PRKCE: variants seen among roughly 807,000 people sequenced by gnomAD.
The protein encoded by PRKCE is protein kinase C epsilon type.
PRKCE carries 16 observed loss-of-function variants against 85.4 expected under a neutral mutation model. The ratio of observed to expected loss-of-function variants is 0.19; its 90% confidence interval spans 0.13 to 0.28. The LOEUF is 0.28. PRKCE is among the 10% of genes least tolerant of loss of function. PRKCE has a pLI of 1.00. For synonymous variants in PRKCE, 388 were observed against 371.5 expected (o/e 1.04, Z -0.51); for missense variants, 573 against 975.2 (o/e 0.59, Z 5.49).
intron 1 of PRKCE, among the ~76,000 whole-genome samples, chr2:45,813,840 A>G (rs890228092): frequency 5.9e-5 from 9 of 152,242 alleles, no homozygotes; most frequent in Non-Finnish European, 1.3e-4. Flanking sequence ...CACAGCCCAC[A>G]GGGCATGTGT....
intron 2 of PRKCE, among the ~76,000 whole-genome samples, chr2:45,927,128 ATG>A (rs1313295821): frequency 6.6e-6 from 1 of 151,260 alleles, no homozygotes; most frequent in African/African-American, 2.4e-5. Context: ...GAATGTGTAT[ATG>A]TGCATGCATG....
chr2:46,007,595 G>A lies in PRKCE; in HGVS notation c.1197G>A (p.Gln399=). 1.9e-6 allele frequency: 3 copies of A among 1,599,800 alleles called. No homozygotes were observed. In the South Asian group the frequency reaches 3.3e-5, roughly 18 times the overall value. ...AGAATGGCGAAGTCCGGCAAGGCCAGGCCAAGCGCCTGGGCCTGGATGAGT... is the reference window on the plus strand; with the variant it reads ...AGAATGGCGAAGTCCGGCAAGGCCAAGCCAAGCGCCTGGGCCTGGATGAGT... The part of the protein sequence containing the change: ...PGENGEVRQG[Q]AKRLGLDEFN... The change falls in exon 9 of 15, where the codon CAG becomes CAA. Residue 399 remains glutamine (Q), a synonymous_variant. Coordinates refer to ENST00000306156, the MANE Select transcript of PRKCE (RefSeq NM_005400.3).
chr2:45,743,478 G>C (rs1682754683), intron 1 of PRKCE, among the ~76,000 whole-genome samples: 1 of 152,014 alleles, frequency 6.6e-6, no homozygotes, highest in South Asian at 2.1e-4. Context: ...CTCACCGAGA[G>C]AGGCCCAGGA....
chr2:46,065,621 G>A (rs1286910319), intron 10 of PRKCE, among the ~76,000 whole-genome samples: 2 of 152,126 alleles, frequency 1.3e-5, no homozygotes. Flanking sequence ...CGACTTTCCT[G>A]TTCTAAAATT....
At chr2:45,814,665 G>A (rs1688899663) in intron 1 of PRKCE, among the ~76,000 whole-genome samples, 2 of 152,320 alleles carry the variant, frequency 1.3e-5, no homozygotes, top group South Asian at 4.1e-4. Flanking sequence ...TGCTATTCGG[G>A]GGTGTGAGCC....
At chr2:45,724,114 T>C (rs1297214596) in intron 1 of PRKCE, among the ~76,000 whole-genome samples, 2 of 152,232 alleles carry the variant, frequency 1.3e-5, no homozygotes, top group Non-Finnish European at 1.5e-5. Context: ...TGTTGTGCTT[T>C]TTACAGATTG....
chr2:46,139,718 A>G lies in PRKCE; in HGVS notation c.1593-5375A>G, dbSNP rs1675323789. Among the ~76,000 whole-genome samples, 1 of 151,610 alleles carries G rather than the reference A, an allele frequency of 6.6e-6. No homozygotes were observed. The highest frequency in any genetic ancestry group is 1.5e-5 in the Non-Finnish European group (1 of 67,944). On this transcript the variant is annotated intron_variant, in intron 11 of 14. Coordinates refer to ENST00000306156, the MANE Select transcript of PRKCE (RefSeq NM_005400.3). The surrounding 1 kb of genome is among the most constrained non-coding windows in gnomAD (Gnocchi z 5.2). The stretch of plus-strand genomic sequence containing the variant: ...TGTGTGTGTATATATATACATATAT[A>G]CATATACATATATATCTAGAGAGAG...
intron 2 of PRKCE, among the ~76,000 whole-genome samples, chr2:45,851,156 G>A (rs1040230308): frequency 8.5e-5 from 13 of 152,120 alleles, no homozygotes; most frequent in African/African-American, 3.1e-4. Context: ...ACCCTGAAAT[G>A]CAGGTACCAA....
At chr2:45,881,454 A>G (rs1694884393) in intron 2 of PRKCE, among the ~76,000 whole-genome samples, 1 of 152,192 alleles carries the variant, frequency 6.6e-6, no homozygotes, top group Non-Finnish European at 1.5e-5. Context: ...CTTAAATGTT[A>G]TTTAAGTACC....
chr2:45,677,243 C>T (rs544428771), intron 1 of PRKCE: 60 of 152,134 alleles, frequency 3.9e-4, no homozygotes, highest in African/African-American at 1.3e-3. Context: ...ACCCTGGAAT[C>T]ACGAGAGGCC....
At chr2:46,099,646 T>G (rs1056558951) in intron 11 of PRKCE, among the ~76,000 whole-genome samples, 4 of 152,192 alleles carry the variant, frequency 2.6e-5, no homozygotes, top group African/African-American at 7.2e-5. Context: ...CTAGCACTTC[T>G]TATACTGCAT....
intron 2 of PRKCE, among the ~76,000 whole-genome samples, chr2:45,888,385 A>C (rs987970626): frequency 2.0e-5 from 3 of 151,992 alleles, no homozygotes; most frequent in African/African-American, 7.2e-5. Flanking sequence ...TACAGCATAC[A>C]AGGGTTCCCC....
At chr2:45,675,496 T>A (rs1379776861) in intron 1 of PRKCE, 1 of 152,246 alleles carries the variant, frequency 6.6e-6, no homozygotes, top group Admixed American at 6.5e-5. Context: ...AAATGAATCA[T>A]AACAGTTGCA....
chr2:45,928,973 CT>C (rs1698838665), intron 2 of PRKCE, among the ~76,000 whole-genome samples: 2 of 152,194 alleles, frequency 1.3e-5, no homozygotes, highest in South Asian at 4.1e-4. Context: ...CGGGAGCAGC[CT>C]TTTCCTATTA....
chr2:45,953,877 C>A (rs754548641), intron 2 of PRKCE, among the ~76,000 whole-genome samples: 6 of 152,164 alleles, frequency 3.9e-5, no homozygotes, highest in Non-Finnish European at 5.9e-5. Context: ...TTTTCGTGTA[C>A]CTCCTGGACC....
At chr2:46,096,767 A>G (rs1321962351) in intron 11 of PRKCE, among the ~76,000 whole-genome samples, 1 of 152,208 alleles carries the variant, frequency 6.6e-6, no homozygotes, top group African/African-American at 2.4e-5. Flanking sequence ...TGAGAACCTC[A>G]GTTCAAGTCC....
chr2:46,183,477 A>G lies in PRKCE; in HGVS notation c.2068-1258A>G, dbSNP rs1680193392. 2.6e-5 allele frequency among the ~76,000 whole-genome samples: 4 copies of G among 152,322 alleles called. No homozygotes were observed. The South Asian group carries it at 8.3e-4, about 32-fold the overall frequency. On this transcript the variant is annotated intron_variant, in intron 14 of 14. Coordinates refer to ENST00000306156, the MANE Select transcript of PRKCE (RefSeq NM_005400.3). ...ATCCAAGTCACTAATCCTGGGTAATACCAGTTAATCAGTGTCTGAAAAAAG... is the reference window on the plus strand; with the variant it reads ...ATCCAAGTCACTAATCCTGGGTAATGCCAGTTAATCAGTGTCTGAAAAAAG...
intron 14 of PRKCE, among the ~76,000 whole-genome samples, chr2:46,180,933 G>A (rs918361072): frequency 2.0e-5 from 3 of 152,158 alleles, no homozygotes; most frequent in African/African-American, 4.8e-5. Context: ...AAGGCTTCAC[G>A]GATTAGGAAG....
intron 1 of PRKCE, among the ~76,000 whole-genome samples, chr2:45,658,431 C>A (rs1206303742): frequency 6.6e-6 from 1 of 152,212 alleles, no homozygotes; most frequent in African/African-American, 2.4e-5. Flanking sequence ...CTTTGACCAG[C>A]AGCAGATTTA....
Sources: gnomAD v4.1 joint callset for allele counts (sites outside exome capture counted in the v4.1 genomes callset) on GRCh38, gnomAD v4.1.1 for gene constraint, Gnocchi (gnomAD v3.1) non-coding constraint, MANE v1.5 for transcripts, NCBI Gene and HGNC (gene_info 2026-07-23, HGNC 2026-07-21) for gene names.